Variants in RFX2 observed in about 807,000 individuals in gnomAD.
RFX2 encodes regulatory factor X2.
A neutral mutation model predicts 87.8 loss-of-function variants in RFX2; 20 were observed. The ratio of observed to expected loss-of-function variants is 0.23; its 90% confidence interval spans 0.16 to 0.33. RFX2 has a LOEUF of 0.33. Ranked by LOEUF, RFX2 falls within the 10% of genes least tolerant of loss-of-function variation. RFX2 has a pLI of 1.00. For synonymous variants in RFX2, 397 were observed against 431.3 expected, an observed-to-expected ratio of 0.92 and a Z score of 0.98; for missense variants, 767 against 1,012.3, an observed-to-expected ratio of 0.76 and a Z score of 3.29.
chr19:6,060,975 C>A (rs932313462), intron 1 of RFX2, among the ~76,000 whole-genome samples: 3 of 152,116 alleles, frequency 2.0e-5, no homozygotes, highest in African/African-American at 7.2e-5. Flanking sequence ...GGTGCCTCAA[C>A]AAGTCCAAGG....
At chr19:6,005,946 A>G (rs1264807420) in intron 12 of RFX2, among the ~76,000 whole-genome samples, 1 of 152,138 alleles carries the variant, frequency 6.6e-6, no homozygotes, top group Non-Finnish European at 1.5e-5. Flanking sequence ...CCGCACAGTG[A>G]CGGCTCCAGG....
At position 6,024,502 on chromosome 19, in the gene RFX2, A is replaced by C. The variant is rs1374503746; in HGVS notation, c.597+1661T>G. Among the ~76,000 whole-genome samples, 1 of 152,130 alleles carries C rather than the reference A, an allele frequency of 6.6e-6. No homozygotes were observed. The highest frequency in any genetic ancestry group is 1.5e-5 in the Non-Finnish European group (1 of 68,010). ...TTCAAGACAATCGGCAGAAGGAAAT[A>C]TTTCTGCCATTTCTTCTAGTGACCA... On this transcript the variant is annotated intron_variant, in intron 6 of 17. Coordinates refer to ENST00000303657, the MANE Select transcript of RFX2 (RefSeq NM_000635.4). The surrounding 1 kb of genome is among the most constrained non-coding windows in gnomAD (Gnocchi z 5.0).
At position 6,007,001 on chromosome 19, in the gene RFX2, G is replaced by A; in HGVS notation, c.1402+11C>T. The A allele has an allele frequency of 6.2e-7, 1 of 1,613,542 alleles. No individual in the cohort carries two copies. Among genetic ancestry groups the A allele is most frequent in the East Asian group, 2.2e-5 (1 of 44,860 alleles). On this transcript the variant is annotated intron_variant, in intron 12 of 17. Coordinates refer to ENST00000303657, the MANE Select transcript of RFX2 (RefSeq NM_000635.4). This position sits in a 1 kb window ranked among gnomAD's most constrained non-coding sequence, Gnocchi z 8.2. The stretch of plus-strand genomic sequence containing the variant: ...ATGGAGCAGCGCCGGGCGGGGCCGT[G>A]GGTCACTTACTGGGGACCGGCCTCA...
chr19:6,098,946 T>C (rs2088069309), intron 1 of RFX2, among the ~76,000 whole-genome samples: 1 of 113,268 alleles, frequency 8.8e-6, no homozygotes, highest in African/African-American at 3.5e-5. Context: ...TTCAAATCTT[T>C]CACAAACTGC....
At position 6,001,715 on chromosome 19, in the gene RFX2, G is replaced by A. The variant is rs1479846735; in HGVS notation, c.1859+100C>T. 3 of 1,044,228 alleles carry A rather than the reference G, an allele frequency of 2.9e-6. No individual in the cohort carries two copies. The highest frequency in any genetic ancestry group is 4.1e-6 in the Non-Finnish European group (3 of 729,416). 64.7% of individuals were successfully genotyped at this position (1,044,228 alleles called of 1,614,324 possible). On this transcript the variant is annotated intron_variant, in intron 15 of 17. Coordinates refer to ENST00000303657, the MANE Select transcript of RFX2 (RefSeq NM_000635.4). The surrounding 1 kb of genome is among the most constrained non-coding windows in gnomAD (Gnocchi z 5.6). ...CACTGCTGCAACTCTGCTGAGCCCT[G>A]TTTTGCTCTGAGCTCACCAGCCGAG...
In RFX2 at chr19:6,065,667, G is replaced by A. The variant is rs552136839; in HGVS notation, c.-8-18163C>T. Reference sequence around the variant, plus strand: ...TAAGTTTCTGCTGCAAAAGAAAGTTGGGAAATTTGTTTAGATACTTTAAAT... The same window carrying A: ...TAAGTTTCTGCTGCAAAAGAAAGTTAGGAAATTTGTTTAGATACTTTAAAT... On this transcript the variant is annotated intron_variant, in intron 1 of 17. Coordinates refer to ENST00000303657, the MANE Select transcript of RFX2 (RefSeq NM_000635.4). Among the ~76,000 whole-genome samples, 6 of 152,222 alleles carry A rather than the reference G, an allele frequency of 3.9e-5. No individual in the cohort carries two copies. The South Asian group carries it at 8.3e-4, about 21-fold the overall frequency.
intron 1 of RFX2, among the ~76,000 whole-genome samples, chr19:6,090,370 CAA>C (rs1169384189): frequency 0.05 from 2,823 of 56,426 alleles, 76 homozygotes; most frequent in African/African-American, 0.13. Flanking sequence ...GACTCTGTCT[CAA>C]AAAAAAAAAA....
At chr19:5,996,337 G>A (rs2086411838) in intron 16 of RFX2, among the ~76,000 whole-genome samples, 2 of 41,160 alleles carry the variant, frequency 4.9e-5, no homozygotes, top group African/African-American at 2.3e-4. Flanking sequence ...GGAGGGACGA[G>A]CGGTCAGCAC....
Position 6,002,793 on chromosome 19 carries a change from C to T in RFX2, c.1578G>A (p.Ala526=), listed in dbSNP as rs752822956. 3.7e-5 allele frequency: 59 copies of T among 1,613,708 alleles called. No homozygotes were observed. The highest frequency in any genetic ancestry group is 1.7e-4 in the Middle Eastern group (1 of 6,022). The change falls in exon 14 of 18, where the codon GCG becomes GCA. Residue 526 remains alanine (A), a synonymous_variant. Coordinates refer to ENST00000303657, the MANE Select transcript of RFX2 (RefSeq NM_000635.4). This position sits in a 1 kb window ranked among gnomAD's most constrained non-coding sequence, Gnocchi z 6.7. The part of the protein sequence containing the change: ...SLNHLAQAAR[A]VLQNTSQINQ... ...TGATCTGGGACGTGTTCTGCAGCAC[C>T]GCCCGGGCCGCCTGCGCCAGGTGGT...
intron 5 of RFX2, among the ~76,000 whole-genome samples, chr19:6,030,239 T>C (rs1302700823): frequency 6.6e-6 from 1 of 152,062 alleles, no homozygotes; most frequent in East Asian, 1.9e-4. Context: ...AAAGAGAGAA[T>C]CCTAGAAGCA....
intron 6 of RFX2, among the ~76,000 whole-genome samples, chr19:6,019,512 A>ATGTGTGTGTGTGTGTGTGTG (rs147877773): frequency 1.6e-5 from 2 of 126,990 alleles, no homozygotes; most frequent in African/African-American, 6.3e-5. Flanking sequence ...GTGTGTGAGT[A>ATGTGTGTGTGTGTGTGTGTG]TGTGTGTGTG....
At position 6,002,971 on chromosome 19, in the gene RFX2, G is replaced by A. The variant is rs1023794120; in HGVS notation, c.1501-101C>T. The A allele has an allele frequency of 4.9e-5, 68 of 1,378,928 alleles. No individual in the cohort carries two copies. Among genetic ancestry groups the A allele is most frequent in the Non-Finnish European group, 1.6e-5 (16 of 1,020,768 alleles). The allele number at this position is 1,378,928 out of a possible 1,614,324, so 85.4% of individuals were successfully genotyped here. A position where few individuals can be genotyped will look rare whatever the true frequency, so the allele number is the denominator to read the frequency against. On this transcript the variant is annotated intron_variant, in intron 13 of 17. Coordinates refer to ENST00000303657, the MANE Select transcript of RFX2 (RefSeq NM_000635.4). The surrounding 1 kb of genome is among the most constrained non-coding windows in gnomAD (Gnocchi z 6.7). ...GGGCTCAGGGACAACACAGGGAGGA[G>A]GGAGCAGGAAACAGCAACCTGGGCA... is the stretch of plus-strand genomic sequence containing the variant.
Position 5,997,185 on chromosome 19 carries a change from G to A in RFX2, c.1888C>T (p.Arg630Cys). 1 of 1,612,486 alleles carries A rather than the reference G, an allele frequency of 6.2e-7. No individual in the cohort carries two copies. The change falls in exon 16 of 18, where the codon CGC (arginine) becomes TGC (cysteine). Residue 630 changes from arginine to cysteine, a missense_variant. By Grantham distance (180) the Arg-to-Cys change is radical. This residue lies in a region of RFX2 where 621 missense variants were observed against 873.0 expected (regional missense o/e 0.71). Transcript: ENST00000303657. This position sits in a 1 kb window ranked among gnomAD's most constrained non-coding sequence, Gnocchi z 4.2. Reference sequence around the variant, plus strand: ...AAGGAGCCGAAGCTGGCAGCGCTGCGCAGGGTCAGGTCCCGGATCACCATG... The same window carrying A: ...AAGGAGCCGAAGCTGGCAGCGCTGCACAGGGTCAGGTCCCGGATCACCATG... The part of the protein sequence containing the change: ...SSMVIRDLTL[R>C]SAASFGSFHL...
Position 5,997,311 on chromosome 19 carries a change from T to G in RFX2, c.1860-98A>C. On this transcript the variant is annotated intron_variant, in intron 15 of 17. Coordinates refer to ENST00000303657, the MANE Select transcript of RFX2 (RefSeq NM_000635.4). This position sits in a 1 kb window ranked among gnomAD's most constrained non-coding sequence, Gnocchi z 4.2. ...GCAGCAACACACCCCCTGCTCTACG[T>G]TCCCTGGGGAACCCAGAGGCTGAGT... 2 of 1,304,020 alleles carry G rather than the reference T, an allele frequency of 1.5e-6. No individual in the cohort carries two copies. The highest frequency in any genetic ancestry group is 2.1e-6 in the Non-Finnish European group (2 of 974,530). The allele number at this position is 1,304,020 out of a possible 1,614,324, so 80.8% of individuals were successfully genotyped here.
At chr19:6,062,172 C>A (rs959943109) in intron 1 of RFX2, among the ~76,000 whole-genome samples, 1 of 152,056 alleles carries the variant, frequency 6.6e-6, no homozygotes, top group Non-Finnish European at 1.5e-5. Context: ...AAAGAATAAA[C>A]AAGTAACAAA....
chr19:6,008,788 C>T (rs943342099), intron 9 of RFX2, among the ~76,000 whole-genome samples: 13 of 151,534 alleles, frequency 8.6e-5, no homozygotes, highest in African/African-American at 3.2e-4. Flanking sequence ...AGTGATTCTC[C>T]TGTCTCAGCC....
Position 6,016,179 on chromosome 19 carries a change from C to T in RFX2, c.690G>A (p.Glu230=). 3 of 1,614,110 alleles carry T rather than the reference C, an allele frequency of 1.9e-6. No homozygotes were observed. The highest frequency in any genetic ancestry group is 2.7e-5 in the African/African-American group (2 of 75,070). Residue 230 remains glutamate, a synonymous_variant, in exon 7 of 18, where the codon GAG becomes GAA. Transcript: ENST00000303657. The surrounding 1 kb of genome is among the most constrained non-coding windows in gnomAD (Gnocchi z 5.4). ...CGGCGTTCACTGGGTCTAGCTTGTG[C>T]TCCTGGCAGTGCCGAAGGTAGTGGT... is the stretch of plus-strand genomic sequence containing the variant. ...LYNHYLRHCQ[E]HKLDPVNAAS... is the part of the protein sequence containing the mutation.
chr19:6,075,680 G>A (rs1442245067), intron 1 of RFX2, among the ~76,000 whole-genome samples: 1 of 152,180 alleles, frequency 6.6e-6, no homozygotes, highest in African/African-American at 2.4e-5. Context: ...CAAGTGTGAG[G>A]TCGAATCAGG....
Position 6,039,868 on chromosome 19 carries a change from G to A in RFX2, c.522+112C>T, listed in dbSNP as rs2087079877. 1 of 1,305,728 alleles carries A rather than the reference G, an allele frequency of 7.7e-7. No homozygotes were observed. The highest frequency in any genetic ancestry group is 1.0e-6 in the Non-Finnish European group (1 of 974,766). The allele number at this position is 1,305,728 out of a possible 1,614,324, so 80.9% of individuals were successfully genotyped here. ...CATCGTGGGGCCGCCTGGGCCCAGA[G>A]CAGACGACAGCCCCTCCGGGCCTCC... On this transcript the variant is annotated intron_variant, in intron 5 of 17. Coordinates refer to ENST00000303657, the MANE Select transcript of RFX2 (RefSeq NM_000635.4). This position sits in a 1 kb window ranked among gnomAD's most constrained non-coding sequence, Gnocchi z 5.2.
Sources: gnomAD v4.1 joint callset for allele counts (sites outside exome capture counted in the v4.1 genomes callset) on GRCh38, gnomAD v4.1.1 for gene constraint, gnomAD v4.1.1 regional missense constraint, Gnocchi (gnomAD v3.1) non-coding constraint, MANE v1.5 for transcripts, NCBI Gene and HGNC (gene_info 2026-07-23, HGNC 2026-07-21) for gene names.